Variants in CREBZF observed in about 807,000 individuals in gnomAD.
CREBZF encodes HCF-binding transcription factor Zhangfei.
CREBZF carries 8 observed loss-of-function variants against 21.1 expected under a neutral mutation model. That is an observed-to-expected ratio of 0.38 (90% CI 0.22 to 0.68). The LOEUF is 0.68. Ranked by LOEUF, CREBZF falls within the 30% of genes least tolerant of loss-of-function variation. CREBZF has a pLI of 0.51. For synonymous variants in CREBZF, 270 were observed against 223.3 expected, an observed-to-expected ratio of 1.21 and a Z score of -1.86; for missense variants, 518 against 484.3, an observed-to-expected ratio of 1.07 and a Z score of -0.65.
chr11:85,675,187 A>T (rs1167560507), intron 1 of CREBZF, among the ~76,000 whole-genome samples: 1 of 152,162 alleles, frequency 6.6e-6, no homozygotes, highest in Non-Finnish European at 1.5e-5. Flanking sequence ...TCTCAAAAAT[A>T]TTTCCTCTGC....
rs556805639 is a variant in CREBZF, at chr11:85,659,109, A to C, written c.*4702T>G. Among the ~76,000 whole-genome samples, 1 of 152,164 alleles carries C rather than the reference A, an allele frequency of 6.6e-6. No homozygotes were observed. The highest frequency in any genetic ancestry group is 2.4e-5 in the African/African-American group (1 of 41,554). On this transcript the variant is annotated 3_prime_UTR_variant, in exon 1 of 1. Transcript: ENST00000527447. ...GCTTAGGTGGTAAGTAAATAAAAAA[A>C]CAGCTCAGAAAAACAGCAAAAATAT...
At chr11:85,667,394 T>C (rs866610862), upstream of CREBZF, among the ~76,000 whole-genome samples, 3 of 152,224 alleles carry the variant, frequency 2.0e-5, no homozygotes, top group Admixed American at 2.0e-4. Flanking sequence ...TCTTTGATTA[T>C]TGGAAGGTTG....
chr11:85,662,273 G>A lies in CREBZF; in HGVS notation c.*1538C>T. ...AATAACAAAATAAAACATTTTATGT[G>A]TAAGATAACTTACATCTTTGGACTG... On this transcript the variant is annotated 3_prime_UTR_variant, in exon 1 of 1. Coordinates refer to ENST00000527447, the MANE Select transcript of CREBZF (RefSeq NM_001039618.4). The A allele has an allele frequency of 1.6e-6, 1 of 608,654 alleles. No individual in the cohort carries two copies. The highest frequency in any genetic ancestry group is 3.0e-6 in the Non-Finnish European group (1 of 328,658). 37.7% of individuals were successfully genotyped at this position (608,654 alleles called of 1,614,324 possible).
In CREBZF at chr11:85,663,507, AAG is replaced by A. The variant is rs1418523434; in HGVS notation, c.*302_*303del. On this transcript the variant is annotated 3_prime_UTR_variant, in exon 1 of 1. Coordinates refer to ENST00000527447, the MANE Select transcript of CREBZF (RefSeq NM_001039618.4). ...AGCAGCAGAGCATGAGCGTTACGGG[AAG>A]AGATGGATCCTTACCAGGTTGTGAG... The A allele has an allele frequency of 1.1e-6, 1 of 908,088 alleles. No individual in the cohort carries two copies. Among genetic ancestry groups the A allele is most frequent in the Admixed American group, 2.0e-5 (1 of 50,220 alleles). 56.3% of individuals were successfully genotyped at this position (908,088 alleles called of 1,614,324 possible).
At position 85,663,288 on chromosome 11, in the gene CREBZF, G is replaced by A; in HGVS notation, c.*523C>T. ...CTGGGGACAGAAGAGCTAGGTACAC[G>A]CAAGTCTGAATAAGGGGACACATTA... On this transcript the variant is annotated 3_prime_UTR_variant, in exon 1 of 1. Coordinates refer to ENST00000527447, the MANE Select transcript of CREBZF (RefSeq NM_001039618.4). 1 of 562,678 alleles carries A rather than the reference G, an allele frequency of 1.8e-6. No individual in the cohort carries two copies. Among genetic ancestry groups the A allele is most frequent in the Middle Eastern group, 4.0e-4 (1 of 2,488 alleles). 34.9% of individuals were successfully genotyped at this position (562,678 alleles called of 1,614,324 possible). A position where few individuals can be genotyped will look rare whatever the true frequency, so the allele number is the denominator to read the frequency against.
In CREBZF at chr11:85,658,305, C is replaced by T. The variant is rs1298255572; in HGVS notation, c.*5506G>A. On this transcript the variant is annotated 3_prime_UTR_variant, in exon 1 of 1. Transcript: ENST00000527447. ...TCTTTAAACATTCCTAGTCCAATTA[C>T]TCCCTAGCATAATACCATTTATAAA... Among the ~76,000 whole-genome samples, 1 of 152,024 alleles carries T rather than the reference C, an allele frequency of 6.6e-6. No homozygotes were observed.
rs1366521450 is a variant in CREBZF at position 85,660,683 on chromosome 11, T to C, written c.*3128A>G. On this transcript the variant is annotated 3_prime_UTR_variant, in exon 1 of 1. Coordinates refer to ENST00000527447, the MANE Select transcript of CREBZF (RefSeq NM_001039618.4). ...ATATTTTGAACACTTCTTGTTGGAT[T>C]ATATCAGAGGTGTGACTACATTTTA... 8 of 440,102 alleles carry C rather than the reference T, an allele frequency of 1.8e-5. No individual in the cohort carries two copies. The highest frequency in any genetic ancestry group is 1.4e-4 in the African/African-American group (7 of 49,012). 27.3% of individuals were successfully genotyped at this position (440,102 alleles called of 1,614,324 possible).
chr11:85,659,534 GAATAATAC>G lies in CREBZF; in HGVS notation c.*4269_*4276del, dbSNP rs992010929. Among the ~76,000 whole-genome samples, 1 of 151,966 alleles carries G rather than the reference GAATAATAC, an allele frequency of 6.6e-6. No individual in the cohort carries two copies. The highest frequency in any genetic ancestry group is 2.4e-5 in the African/African-American group (1 of 41,396). ...AAACTGAATGGATTTAATAAGTTTT[GAATAATAC>G]AATAACCAACTGTATATTTATTATG... On this transcript the variant is annotated 3_prime_UTR_variant, in exon 1 of 1. Coordinates refer to ENST00000527447, the MANE Select transcript of CREBZF (RefSeq NM_001039618.4).
At chr11:85,677,025 G>A (rs1323655025) in intron 1 of CREBZF, among the ~76,000 whole-genome samples, 1 of 142,670 alleles carries the variant, frequency 7.0e-6, no homozygotes, top group African/African-American at 2.6e-5. Context: ...ATGCAGTGAT[G>A]CAATCTCGGC....
intron 1 of CREBZF, among the ~76,000 whole-genome samples, chr11:85,676,810 CT>C (rs11412070): frequency 1.3e-4 from 17 of 135,002 alleles, no homozygotes; most frequent in Non-Finnish European, 1.4e-4. Flanking sequence ...GCTAATTTTT[CT>C]TTTTTTTTTT....
At chr11:85,671,234 A>G (rs1668956422) in intron 1 of CREBZF, among the ~76,000 whole-genome samples, 1 of 152,210 alleles carries the variant, frequency 6.6e-6, no homozygotes, top group Non-Finnish European at 1.5e-5. Flanking sequence ...CATGAGACTT[A>G]TTCACTACAG....
upstream of CREBZF, among the ~76,000 whole-genome samples, chr11:85,668,898 A>T: frequency 6.8e-6 from 1 of 147,510 alleles, no homozygotes; most frequent in Non-Finnish European, 1.5e-5. Context: ...GCTACTCGGG[A>T]GGCTGAGGCA....
chr11:85,664,262 G>T lies in CREBZF; in HGVS notation c.614C>A (p.Ala205Glu), dbSNP rs773878452. 3.7e-6 allele frequency: 6 copies of T among 1,612,526 alleles called. No individual in the cohort carries two copies. Among genetic ancestry groups the T allele is most frequent in the Non-Finnish European group, 5.1e-6 (6 of 1,179,754 alleles). ...GGGSGNDNNQ[A>E]ATKSPRKAAA... is the part of the protein sequence containing the mutation. ...CGCCTTCCGGGGACTCTTTGTCGCCGCCTGGTTGTTGTCGTTACCGCTGCC... is the reference window on the plus strand; with the variant it reads ...CGCCTTCCGGGGACTCTTTGTCGCCTCCTGGTTGTTGTCGTTACCGCTGCC... The change falls in exon 1 of 1, where the codon GCG becomes GAG. Residue 205 changes from alanine (A) to glutamate (E), a missense_variant. Ala to Glu is a moderately radical substitution (Grantham distance 107). Transcript: ENST00000527447. This position sits in a 1 kb window ranked among gnomAD's most constrained non-coding sequence, Gnocchi z 5.5.
In CREBZF at chr11:85,671,378, C is replaced by T. The variant is rs185602375; in HGVS notation, n.148-7777G>A. 2.6e-3 allele frequency among the ~76,000 whole-genome samples: 399 copies of T among 152,290 alleles called. 8 individuals are homozygous for T. Among genetic ancestry groups the T allele is most frequent in the Non-Finnish European group, 3.5e-4 (24 of 68,022 alleles). On this transcript the variant is annotated intron_variant and non_coding_transcript_variant, in intron 1 of 3. Coordinates refer to the CREBZF transcript ENST00000531515. Reference sequence around the variant, plus strand: ...GGGGACACAGCCAAACAACATAATTCTGCTCCTGGCCCCTCCCAAATCTCA... The same window carrying T: ...GGGGACACAGCCAAACAACATAATTTTGCTCCTGGCCCCTCCCAAATCTCA...
intron 1 of CREBZF, among the ~76,000 whole-genome samples, chr11:85,670,300 C>CTTTTTT (rs1178979017): frequency 5.1e-5 from 2 of 39,214 alleles, no homozygotes; most frequent in Admixed American, 4.5e-4. Context: ...ATCTCAAGTT[C>CTTTTTT]TTTTTTTTTT....
chr11:85,660,439 A>G lies in CREBZF; in HGVS notation c.*3372T>C. ...CATATCTCCATTTCTGGAAAGTGAA[A>G]TCAGTATAGAAGTAATTTGGGAACT... is the stretch of plus-strand genomic sequence containing the variant. On this transcript the variant is annotated 3_prime_UTR_variant, in exon 1 of 1. Coordinates refer to ENST00000527447, the MANE Select transcript of CREBZF (RefSeq NM_001039618.4). 3.2e-6 allele frequency: 1 copy of G among 312,986 alleles called. No homozygotes were observed. Among genetic ancestry groups the G allele is most frequent in the Non-Finnish European group, 6.2e-6 (1 of 160,324 alleles). The allele number at this position is 312,986 out of a possible 1,614,324, so 19.4% of individuals were successfully genotyped here.
At chr11:85,669,547 A>G (rs1402926987), upstream of CREBZF, among the ~76,000 whole-genome samples, 1 of 152,198 alleles carries the variant, frequency 6.6e-6, no homozygotes, top group Non-Finnish European at 1.5e-5. Flanking sequence ...GAGAGAAGAT[A>G]GCAAATAGGA....
chr11:85,675,407 G>C (rs1382812800), intron 1 of CREBZF, among the ~76,000 whole-genome samples: 1 of 152,138 alleles, frequency 6.6e-6, no homozygotes, highest in Non-Finnish European at 1.5e-5. Context: ...GCAGACCCAA[G>C]GAGAGGGAGA....
rs200716637 is a variant in CREBZF at position 85,664,576 on chromosome 11, G to A, written c.300C>T (p.Asp100=). The part of the protein sequence containing the change: ...SLPGEETEDM[D]FLSGLELADL... Reference sequence around the variant, plus strand: ...CCGCCAGTTCCAGCCCAGACAGAAAGTCCATATCCTCCGTCTCTTCCCCCG... The same window carrying A: ...CCGCCAGTTCCAGCCCAGACAGAAAATCCATATCCTCCGTCTCTTCCCCCG... The change falls in exon 1 of 1, where the codon GAC becomes GAT. Residue 100 remains aspartate (D), a synonymous_variant. Transcript: ENST00000527447. This position sits in a 1 kb window ranked among gnomAD's most constrained non-coding sequence, Gnocchi z 5.5. 1 of 1,613,926 alleles carries A rather than the reference G, an allele frequency of 6.2e-7. No homozygotes were observed. The highest frequency in any genetic ancestry group is 1.3e-5 in the African/African-American group (1 of 75,012).
Sources: allele counts gnomAD v4.1 joint callset (sites outside exome capture counted in the v4.1 genomes callset), GRCh38; gene constraint gnomAD v4.1.1; non-coding constraint Gnocchi (gnomAD v3.1); transcripts MANE v1.5; gene names NCBI Gene and HGNC (gene_info 2026-07-23, HGNC 2026-07-21).